The following RETREG3 variants were observed in gnomAD, a reference collection of about 807,000 sequenced individuals.
RETREG3 encodes the protein reticulophagy regulator 3.
RETREG3 carries 23 observed loss-of-function variants against 50.2 expected under a neutral mutation model. The ratio of observed to expected loss-of-function variants is 0.46; its 90% CI spans 0.33 to 0.65. The LOEUF (loss-of-function observed/expected upper bound fraction) is 0.65. Among genes scored for constraint, RETREG3 ranks in the 30% least tolerant of loss-of-function variants. The pLI is 0.02. For synonymous variants in RETREG3, 240 were observed against 234.4 expected (o/e 1.02, Z -0.22); for missense variants, 546 against 598.0 (o/e 0.91, Z 0.91).
At chr17:42,588,797 A>G (rs762966276) in intron 2 of RETREG3, among the ~76,000 whole-genome samples, 3 of 152,156 alleles carry the variant, frequency 2.0e-5, no homozygotes, top group South Asian at 4.1e-4. Context: ...AGCTGGGATT[A>G]TAGGCACCTG....
intron 1 of RETREG3, 28 bp downstream of exon 1, chr17:42,609,057 GA>G (rs2093174149): frequency 1.3e-6 from 2 of 1,593,274 alleles, no homozygotes; most frequent in South Asian, 1.1e-5. Flanking sequence ...TCGGGACTCG[GA>G]GGGTTTCCGA....
At chr17:42,589,195 A>G (rs939938230) in intron 2 of RETREG3, among the ~76,000 whole-genome samples, 1 of 152,176 alleles carries the variant, frequency 6.6e-6, no homozygotes, top group Non-Finnish European at 1.5e-5. Flanking sequence ...AGGCAGATGA[A>G]CTACACGATT....
At chr17:42,606,737 T>C (rs1295255318) in intron 1 of RETREG3, among the ~76,000 whole-genome samples, 1 of 152,226 alleles carries the variant, frequency 6.6e-6, no homozygotes, top group East Asian at 1.9e-4. Flanking sequence ...GGCTCACACC[T>C]GTAATCCCAG....
chr17:42,598,872 G>C (rs2093153194), intron 1 of RETREG3: 1 of 152,096 alleles, frequency 6.6e-6, no homozygotes, highest in Admixed American at 6.6e-5. Flanking sequence ...TGGAAGGTAA[G>C]GGCTGTAACA....
intron 4 of RETREG3, 132 bp from the exon 5 acceptor site, chr17:42,586,269 C>T: frequency 3.9e-6 from 3 of 763,774 alleles, no homozygotes; most frequent in South Asian, 3.3e-5. Context: ...CTGTTGCATC[C>T]AAAGGTGATT....
intron 1 of RETREG3, among the ~76,000 whole-genome samples, chr17:42,597,198 T>C (rs1030741211): frequency 1.3e-4 from 20 of 150,038 alleles, no homozygotes; most frequent in Non-Finnish European, 2.4e-4. Context: ...TTTCTTTTTT[T>C]TTTTTTTTGA....
intron 1 of RETREG3, among the ~76,000 whole-genome samples, chr17:42,595,705 G>T (rs2093142857): frequency 7.1e-6 from 1 of 141,162 alleles, no homozygotes. Context: ...CTCTCTCTTG[G>T]TCGCCCAGGC....
intron 1 of RETREG3, among the ~76,000 whole-genome samples, chr17:42,608,023 C>G (rs906371342): frequency 6.6e-6 from 1 of 152,154 alleles, no homozygotes; most frequent in Admixed American, 6.6e-5. Context: ...TCTGCTTCAG[C>G]TCACTGAAAA....
chr17:42,601,439 G>C (rs2093158246), intron 1 of RETREG3, among the ~76,000 whole-genome samples: 1 of 150,228 alleles, frequency 6.7e-6, no homozygotes, highest in Non-Finnish European at 1.5e-5. Context: ...CGGGAGTGGT[G>C]GTGGGCGCCT....
rs1299209805 is a variant in RETREG3, at chr17:42,609,258, G to C, written c.67C>G (p.Arg23Gly). The change falls in exon 1 of 9, where the codon CGA becomes GGA. Residue 23 changes from arginine to glycine, a missense_variant. Transcript: ENST00000309428. The stretch of plus-strand genomic sequence containing the variant: ...CGCTCCCAGGAGCCTGACACATCTC[G>C]GCGGCCCCTGAAAGTCGACCCCGAA... ...PASGSTFRGRRDVSGSWERDQ... is the reference protein window; with the variant it reads ...PASGSTFRGRGDVSGSWERDQ... 1.1e-5 allele frequency: 17 copies of C among 1,606,336 alleles called. No homozygotes were observed. The South Asian group carries it at 1.6e-4, about 16-fold the overall frequency.
At chr17:42,602,852 G>A (rs1238059343) in intron 1 of RETREG3, among the ~76,000 whole-genome samples, 2 of 152,064 alleles carry the variant, frequency 1.3e-5, no homozygotes, top group Non-Finnish European at 1.5e-5. Context: ...GCTGAGGTGG[G>A]AGGATGGCTT....
intron 1 of RETREG3, among the ~76,000 whole-genome samples, chr17:42,606,970 C>G (rs1365379653): frequency 6.6e-6 from 1 of 152,192 alleles, no homozygotes; most frequent in African/African-American, 2.4e-5. Context: ...GCACTCCAGC[C>G]TGGGCAACAA....
At chr17:42,595,040 C>A (rs1420135030) in intron 1 of RETREG3, among the ~76,000 whole-genome samples, 1 of 139,112 alleles carries the variant, frequency 7.2e-6, no homozygotes, top group African/African-American at 2.7e-5. Context: ...GATCTTGGCT[C>A]ACTGCAACCT....
chr17:42,597,854 C>G (rs919394906), intron 1 of RETREG3, among the ~76,000 whole-genome samples: 6 of 150,250 alleles, frequency 4.0e-5, no homozygotes, highest in African/African-American at 1.5e-4. Flanking sequence ...GGTCTCGAAT[C>G]CCTGATCTCA....
intron 2 of RETREG3, among the ~76,000 whole-genome samples, chr17:42,591,681 A>C (rs916196957): frequency 6.6e-6 from 1 of 152,140 alleles, no homozygotes; most frequent in Non-Finnish European, 1.5e-5. Context: ...TGCCTAGCCT[A>C]GTGTTTTGCA....
At chr17:42,590,564 CAGGTGGCTA>C (rs1297482179) in intron 2 of RETREG3, among the ~76,000 whole-genome samples, 4 of 151,978 alleles carry the variant, frequency 2.6e-5, no homozygotes, top group African/African-American at 9.7e-5. Flanking sequence ...CCCAGCTGCT[CAGGTGGCTA>C]AGGTGGGAGA....
At chr17:42,598,128 C>A (rs1350596786) in intron 1 of RETREG3, among the ~76,000 whole-genome samples, 2 of 151,398 alleles carry the variant, frequency 1.3e-5, no homozygotes, top group African/African-American at 4.9e-5. Context: ...ACTACAGGCG[C>A]CCGCCACCAC....
At chr17:42,584,839 A>C (rs1219457984) in intron 6 of RETREG3, among the ~76,000 whole-genome samples, 3 of 136,916 alleles carry the variant, frequency 2.2e-5, no homozygotes, top group Non-Finnish European at 3.2e-5. Context: ...AAAAAAAAAC[A>C]AACCACAAAT....
At position 42,581,681 on chromosome 17, in the gene RETREG3, A is replaced by G; in HGVS notation, c.*132T>C. On this transcript the variant is annotated 3_prime_UTR_variant, in exon 9 of 9. Transcript: ENST00000309428. ...GTCCTCTCTAAGGAGGCCTCTGAGCATCAGCCAGGCCACCCAGCATACAAA... is the reference window on the plus strand; with the variant it reads ...GTCCTCTCTAAGGAGGCCTCTGAGCGTCAGCCAGGCCACCCAGCATACAAA... 1.2e-6 allele frequency: 1 copy of G among 833,510 alleles called. No individual in the cohort carries two copies. Among genetic ancestry groups the G allele is most frequent in the East Asian group, 2.7e-5 (1 of 36,900 alleles). 51.6% of individuals were successfully genotyped at this position (833,510 alleles called of 1,614,324 possible). A position where few individuals can be genotyped will look rare whatever the true frequency, so the allele number is the denominator to read the frequency against.
Sources: gnomAD v4.1 joint callset for allele counts (sites outside exome capture counted in the v4.1 genomes callset) on GRCh38, gnomAD v4.1.1 for gene constraint, MANE v1.5 for transcripts, NCBI Gene and HGNC (gene_info 2026-07-23, HGNC 2026-07-21) for gene names.